IQCM: variants seen among roughly 807,000 people sequenced by gnomAD.
The protein encoded by IQCM is IQ domain-containing protein M.
A neutral mutation model predicts 57.6 loss-of-function variants in IQCM; 45 were observed. That is an observed-to-expected ratio of 0.78 (90% CI 0.62 to 1.00). The LOEUF (loss-of-function observed/expected upper bound fraction) is 1.00, where lower values mean the gene tolerates loss of function less well. IQCM is among the 50% of genes least tolerant of loss of function. The pLI is 0.00. For missense variants in IQCM, 468 were observed against 511.6 expected (o/e 0.91, Z 0.82); for synonymous variants, 148 against 158.9 (o/e 0.93, Z 0.51).
At chr4:149,709,740 C>T (rs552708700) in intron 5 of IQCM, among the ~76,000 whole-genome samples, 3 of 152,048 alleles carry the variant, frequency 2.0e-5, no homozygotes, top group Non-Finnish European at 2.9e-5. Flanking sequence ...CCATTATCAT[C>T]CAGGAACAAA....
At chr4:149,704,586 T>C (rs1212985070) in intron 5 of IQCM, among the ~76,000 whole-genome samples, 2 of 151,736 alleles carry the variant, frequency 1.3e-5, no homozygotes, top group Non-Finnish European at 2.9e-5. Context: ...GGAAAAGTTC[T>C]CCGGACAGAG....
intron 7 of IQCM, among the ~76,000 whole-genome samples, chr4:149,648,830 TG>T (rs1758891851): frequency 2.0e-5 from 3 of 151,628 alleles, no homozygotes; most frequent in African/African-American, 7.3e-5. Context: ...CACACCAACA[TG>T]GCACACATAT....
chr4:149,494,334 C>T (rs1452364595), intron 12 of IQCM, among the ~76,000 whole-genome samples: 1 of 152,022 alleles, frequency 6.6e-6, no homozygotes, highest in Non-Finnish European at 1.5e-5. Context: ...CCAGCAGCAA[C>T]CAAGGAAACG....
intron 13 of IQCM, among the ~76,000 whole-genome samples, chr4:149,407,390 G>T (rs1733060044): frequency 6.6e-6 from 1 of 152,048 alleles, no homozygotes; most frequent in South Asian, 2.1e-4. Flanking sequence ...TTGAGTAGTG[G>T]TGAAAGCTGG....
intron 12 of IQCM, among the ~76,000 whole-genome samples, chr4:149,493,508 A>G (rs1742321691): frequency 6.6e-6 from 1 of 152,098 alleles, no homozygotes; most frequent in African/African-American, 2.4e-5. Flanking sequence ...GCTTGTTAGC[A>G]TATATTATCT....
At chr4:149,582,219 C>A (rs969707235) in intron 9 of IQCM, among the ~76,000 whole-genome samples, 1 of 147,950 alleles carries the variant, frequency 6.8e-6, no homozygotes, top group Admixed American at 6.8e-5. Context: ...AGATGCTAAA[C>A]CAATACAAAG....
chr4:149,517,114 G>GAAA (rs34555374), intron 12 of IQCM, among the ~76,000 whole-genome samples: 6,232 of 83,562 alleles, frequency 0.075, 473 homozygotes, highest in Middle Eastern at 0.11. Context: ...ACTCCACCAG[G>GAAA]AAAAAAAAAA....
At chr4:149,554,635 G>C (rs2149911677) in intron 10 of IQCM, among the ~76,000 whole-genome samples, 1 of 151,028 alleles carries the variant, frequency 6.6e-6, no homozygotes, top group Middle Eastern at 3.6e-3. Context: ...CATTCTACAA[G>C]ATTTTTTGTT....
rs1730165247 is a variant in IQCM at position 149,369,016 on chromosome 4, ATATATATATATATACATGTG to A, written c.1391-16970_1391-16951del. ...TGTATATATATATATATACACGTGT[ATATATATATATATACATGTG>A]TATATATATATATGTATTTTTTTTT... On this transcript the variant is annotated intron_variant, in intron 13 of 13. Coordinates refer to ENST00000636793, the MANE Select transcript of IQCM (RefSeq NM_001363507.2). 3.6e-4 allele frequency among the ~76,000 whole-genome samples: 28 copies of A among 77,130 alleles called. 7 individuals are homozygous for A. The highest frequency in any genetic ancestry group is 9.3e-4 in the Admixed American group (7 of 7,554). The allele number at this position is 77,130 out of a possible 152,430, so 50.6% of individuals were successfully genotyped here.
At chr4:149,451,707 A>C (rs2111407880) in intron 12 of IQCM, among the ~76,000 whole-genome samples, 1 of 151,866 alleles carries the variant, frequency 6.6e-6, no homozygotes, top group East Asian at 1.9e-4. Flanking sequence ...TTTTCTCGTA[A>C]ATTTTCTCAG....
intron 8 of IQCM, among the ~76,000 whole-genome samples, chr4:149,612,916 A>C (rs1056162272): frequency 9.9e-5 from 15 of 152,062 alleles, no homozygotes; most frequent in African/African-American, 3.6e-4. Flanking sequence ...GCTATTCAAA[A>C]TGTCAAAAAA....
intron 2 of IQCM, among the ~76,000 whole-genome samples, chr4:149,802,315 A>G (rs2150050948): frequency 1.3e-5 from 2 of 152,082 alleles, no homozygotes; most frequent in South Asian, 4.1e-4. Flanking sequence ...ATGTGACAGC[A>G]GTCACATCTC....
intron 12 of IQCM, among the ~76,000 whole-genome samples, chr4:149,545,851 G>C (rs967871735): frequency 6.6e-6 from 1 of 151,828 alleles, no homozygotes; most frequent in Admixed American, 6.6e-5. Flanking sequence ...TAAGTTCTAG[G>C]GTACATGTGC....
Position 149,353,240 on chromosome 4 carries a change from C to T in IQCM, c.1391-1174G>A, listed in dbSNP as rs1335836685. On this transcript the variant is annotated intron_variant, in intron 13 of 13. Transcript: ENST00000636793. ...AAATCAAAACCACAATGAGATATCA[C>T]CTCGGACCCCTTAGGATGGCTATTA... Among the ~76,000 whole-genome samples the T allele has an allele frequency of 7.2e-5, 11 of 152,144 alleles. 1 individual carries two copies. The highest frequency in any genetic ancestry group is 7.2e-4 in the Admixed American group (11 of 15,276).
intron 12 of IQCM, among the ~76,000 whole-genome samples, chr4:149,545,895 C>T (rs541652230): frequency 3.3e-5 from 5 of 151,966 alleles, no homozygotes; most frequent in South Asian, 2.1e-4. Context: ...TGTATACATA[C>T]GCCATGTTGG....
chr4:149,400,140 C>T (rs1732511813), intron 13 of IQCM, among the ~76,000 whole-genome samples: 1 of 151,064 alleles, frequency 6.6e-6, no homozygotes, highest in Non-Finnish European at 1.5e-5. Context: ...TCATGTAACA[C>T]TATTATGGTC....
At chr4:149,435,995 G>T (rs1317627255) in intron 12 of IQCM, among the ~76,000 whole-genome samples, 1 of 152,018 alleles carries the variant, frequency 6.6e-6, no homozygotes, top group Non-Finnish European at 1.5e-5. Flanking sequence ...ATTGAAGAAA[G>T]AAAACTGTTG....
intron 7 of IQCM, among the ~76,000 whole-genome samples, chr4:149,669,224 T>C (rs1297892074): frequency 1.3e-5 from 2 of 152,212 alleles, no homozygotes; most frequent in Non-Finnish European, 2.9e-5. Flanking sequence ...ATTTCTCTGA[T>C]GGTCAGTGAT....
intron 12 of IQCM, among the ~76,000 whole-genome samples, chr4:149,481,696 G>GTTTTGTTTTTTTTTTTTTGT (rs1560895742): frequency 3.0e-5 from 1 of 33,610 alleles, no homozygotes; most frequent in African/African-American, 1.2e-4. Context: ...GATTCTTCCA[G>GTTTTGTTTTTTTTTTTTTGT]TTTTGTTTTT....
Sources: gnomAD v4.1 joint callset for allele counts (sites outside exome capture counted in the v4.1 genomes callset) on GRCh38, gnomAD v4.1.1 for gene constraint, MANE v1.5 for transcripts, NCBI Gene and HGNC (gene_info 2026-07-23, HGNC 2026-07-21) for gene names.